The following NOS1AP variants were observed in gnomAD, a reference collection of about 807,000 sequenced individuals.
NOS1AP encodes carboxyl-terminal PDZ ligand of neuronal nitric oxide synthase protein.
In NOS1AP, 21 loss-of-function variants were observed where a neutral mutation model predicts 56.2. The ratio of observed to expected loss-of-function variants is 0.37; its 90% confidence interval spans 0.26 to 0.54. NOS1AP has a LOEUF of 0.54. Ranked by LOEUF, NOS1AP falls within the 20% of genes least tolerant of loss-of-function variation. The pLI is 0.84. For synonymous variants in NOS1AP, 270 were observed against 274.6 expected, an observed-to-expected ratio of 0.98 and a Z score of 0.17; for missense variants, 522 against 657.8, an observed-to-expected ratio of 0.79 and a Z score of 2.26.
chr1:162,134,868 T>C (rs1337072), intron 1 of NOS1AP, among the ~76,000 whole-genome samples: 35,784 of 152,102 alleles, frequency 0.24, 7,847 homozygotes, highest in African/African-American at 0.59. Context: ...ATGCAAGGCC[T>C]TCATGACCTG....
At chr1:162,142,095 C>G (rs10157059) in intron 1 of NOS1AP, among the ~76,000 whole-genome samples, 20,609 of 152,160 alleles carry the variant, frequency 0.14, 1,766 homozygotes, top group African/African-American at 0.24. Flanking sequence ...TTTGGAGAGA[C>G]ACAGTTAATC....
chr1:162,224,693 C>G (rs1652885462), intron 2 of NOS1AP, among the ~76,000 whole-genome samples: 1 of 152,176 alleles, frequency 6.6e-6, no homozygotes, highest in Admixed American at 6.5e-5. Flanking sequence ...GACTCATCCC[C>G]TGAGCCTGAT....
At chr1:162,124,625 C>T (rs944189187) in intron 1 of NOS1AP, among the ~76,000 whole-genome samples, 3 of 151,950 alleles carry the variant, frequency 2.0e-5, no homozygotes, top group Non-Finnish European at 2.9e-5. Flanking sequence ...CAGGTTCAAG[C>T]GATTTCCTGC....
intron 4 of NOS1AP, among the ~76,000 whole-genome samples, chr1:162,328,027 T>G (rs950974380): frequency 6.6e-6 from 1 of 152,240 alleles, no homozygotes; most frequent in African/African-American, 2.4e-5. Flanking sequence ...AACTGAGTTT[T>G]TTGCCTCAGG....
chr1:162,306,978 T>A (rs979595841), intron 4 of NOS1AP, among the ~76,000 whole-genome samples: 44 of 148,552 alleles, frequency 3.0e-4, no homozygotes, highest in Non-Finnish European at 4.8e-4. Flanking sequence ...AAAAAAAAAA[T>A]AGTTTCATCC....
intron 1 of NOS1AP, among the ~76,000 whole-genome samples, chr1:162,073,705 C>T (rs1222932333): frequency 6.6e-6 from 1 of 152,234 alleles, no homozygotes; most frequent in Non-Finnish European, 1.5e-5. Context: ...AGGTGATCTG[C>T]CTGCCCCAGC....
intron 1 of NOS1AP, among the ~76,000 whole-genome samples, chr1:162,122,736 C>T (rs1170807622): frequency 6.6e-6 from 1 of 152,106 alleles, no homozygotes; most frequent in Non-Finnish European, 1.5e-5. Flanking sequence ...TTGAACTCAG[C>T]TCAAGTGATC....
chr1:162,276,043 T>C lies in NOS1AP; in HGVS notation c.178-11301T>C, dbSNP rs184364722. Among the ~76,000 whole-genome samples, 7 of 152,342 alleles carry C rather than the reference T, an allele frequency of 4.6e-5. No homozygotes were observed. The East Asian group carries it at 1.3e-3, about 29-fold the overall frequency. The stretch of plus-strand genomic sequence containing the variant: ...GTATTGTCTATGGCTGTTTTTGTGC[T>C]GGAGCAAGAGAGTTGCATAGTTGCA... On this transcript the variant is annotated intron_variant, in intron 2 of 9. Coordinates refer to ENST00000361897, the MANE Select transcript of NOS1AP (RefSeq NM_014697.3).
chr1:162,143,726 T>G lies in NOS1AP; in HGVS notation c.106-10679T>G, dbSNP rs143556057. 2.7e-3 allele frequency among the ~76,000 whole-genome samples: 410 copies of G among 152,248 alleles called. 3 individuals carry two copies. The highest frequency in any genetic ancestry group is 9.1e-3 in the African/African-American group (379 of 41,552). The stretch of plus-strand genomic sequence containing the variant: ...ATCCCCCCACCTCGGCCTCTCAAAG[T>G]GCTGGGATTTCAGGAGTGAGCCATC... On this transcript the variant is annotated intron_variant, in intron 1 of 9. Transcript: ENST00000361897.
intron 2 of NOS1AP, among the ~76,000 whole-genome samples, chr1:162,201,372 T>C (rs1256868792): frequency 6.6e-6 from 1 of 152,204 alleles, no homozygotes; most frequent in Non-Finnish European, 1.5e-5. Context: ...TTAGGTTGAT[T>C]CCATGTCTTT....
intron 1 of NOS1AP, among the ~76,000 whole-genome samples, chr1:162,147,158 TC>T (rs1004950869): frequency 2.0e-5 from 3 of 151,702 alleles, no homozygotes; most frequent in African/African-American, 4.8e-5. Flanking sequence ...TGAAACCCTG[TC>T]TCTATGAAAA....
intron 2 of NOS1AP, among the ~76,000 whole-genome samples, chr1:162,224,473 G>C (rs114243582): frequency 0.041 from 6,258 of 151,940 alleles, 173 homozygotes; most frequent in African/African-American, 0.079. Flanking sequence ...TGATGTTCAA[G>C]GTGGTTGAGC....
intron 1 of NOS1AP, among the ~76,000 whole-genome samples, chr1:162,092,536 T>C (rs1046164221): frequency 6.6e-6 from 1 of 152,240 alleles, no homozygotes; most frequent in Admixed American, 6.5e-5. Flanking sequence ...ACTTAATGAA[T>C]TGACATTTTA....
chr1:162,333,410 G>A (rs1218916138), intron 5 of NOS1AP, among the ~76,000 whole-genome samples: 1 of 152,118 alleles, frequency 6.6e-6, no homozygotes, highest in Non-Finnish European at 1.5e-5. Context: ...TAGCCTTGGG[G>A]TAGGAAAAAA....
At chr1:162,208,539 T>TGG (rs1652242470) in intron 2 of NOS1AP, among the ~76,000 whole-genome samples, 1 of 152,164 alleles carries the variant, frequency 6.6e-6, no homozygotes, top group African/African-American at 2.4e-5. Flanking sequence ...GACCAGATAA[T>TGG]TGTTTGTTGT....
intron 1 of NOS1AP, among the ~76,000 whole-genome samples, chr1:162,089,083 A>G (rs1692070416): frequency 6.6e-6 from 1 of 152,176 alleles, no homozygotes. Flanking sequence ...CAAGACCATT[A>G]TCTTGGCACC....
chr1:162,213,467 C>T (rs1571132793), intron 2 of NOS1AP, among the ~76,000 whole-genome samples: 1 of 152,194 alleles, frequency 6.6e-6, no homozygotes, highest in Non-Finnish European at 1.5e-5. Context: ...ATACAAGAAG[C>T]AGAGACCTTT....
At position 162,300,624 on chromosome 1, in the gene NOS1AP, C is replaced by T; in HGVS notation, c.271-9C>T. Reference sequence around the variant, plus strand: ...TAACTGAGGACAAGCCTAACTTATTCATTTACAGCTTCTTTTATTGCAGAA... The same window carrying T: ...TAACTGAGGACAAGCCTAACTTATTTATTTACAGCTTCTTTTATTGCAGAA... On this transcript the variant is annotated splice_polypyrimidine_tract_variant and intron_variant, in intron 3 of 9. Transcript: ENST00000361897. 6.2e-7 allele frequency: 1 copy of T among 1,612,866 alleles called. No homozygotes were observed. The highest frequency in any genetic ancestry group is 1.1e-5 in the South Asian group (1 of 91,048).
At chr1:162,299,773 T>C (rs1655581712) in intron 3 of NOS1AP, among the ~76,000 whole-genome samples, 1 of 152,144 alleles carries the variant, frequency 6.6e-6, no homozygotes, top group African/African-American at 2.4e-5. Context: ...TGTGTGTGTC[T>C]GTGTGTGCAC....
Sources: gnomAD v4.1 joint callset for allele counts (sites outside exome capture counted in the v4.1 genomes callset) on GRCh38, gnomAD v4.1.1 for gene constraint, MANE v1.5 for transcripts, NCBI Gene and HGNC (gene_info 2026-07-23, HGNC 2026-07-21) for gene names.